Variants in TIAM2 observed in about 807,000 individuals in gnomAD.
TIAM2 encodes rho guanine nucleotide exchange factor TIAM2.
In TIAM2, 80 loss-of-function variants were observed where a neutral mutation model predicts 152.9. The observed-to-expected ratio is 0.52, with a 90% confidence interval of 0.44 to 0.63. The LOEUF is 0.63. Ranked by LOEUF, TIAM2 falls within the 30% of genes least tolerant of loss-of-function variation. The pLI is 0.00. For synonymous variants in TIAM2, 804 were observed against 838.0 expected, an observed-to-expected ratio of 0.96 and a Z score of 0.70; for missense variants, 1,965 against 2,120.1, an observed-to-expected ratio of 0.93 and a Z score of 1.44.
intron 15 of TIAM2, among the ~76,000 whole-genome samples, chr6:155,234,400 C>CTGGGACCACAGGCATG (rs1341141948): frequency 6.6e-6 from 1 of 152,236 alleles, no homozygotes; most frequent in African/African-American, 2.4e-5. Context: ...TCGTTAGTGG[C>CTGGGACCACAGGCATG]TGGGACCACA....
chr6:155,110,313 C>CTT lies in TIAM2; in HGVS notation c.-117-17174_-117-17173dup, dbSNP rs1488922028. Among the ~76,000 whole-genome samples the CTT allele has an allele frequency of 8.5e-3, 770 of 90,326 alleles. 10 individuals carry two copies. The highest frequency in any genetic ancestry group is 0.043 in the Middle Eastern group (8 of 188). The allele number at this position is 90,326 out of a possible 152,430, so 59.3% of individuals were successfully genotyped here. A position where few individuals can be genotyped will look rare whatever the true frequency, so the allele number is the denominator to read the frequency against. ...ATCCTTCCTTCTTCCTTTCCTCTTT[C>CTT]TTTTCTTTTTTTTTTTGTTGTTCTT... On this transcript the variant is annotated intron_variant, in intron 2 of 26. Coordinates refer to ENST00000682666, the MANE Select transcript of TIAM2 (RefSeq NM_012454.4).
rs199608026 is a variant in TIAM2, at chr6:155,257,108, A to T, written c.5093A>T (p.His1698Leu). ...SEECFYETES[H>L]GKS ...GAGTGTTTTTATGAAACAGAGAGCCACGGAAAATCATAGTATGATTCAATC... is the reference window on the plus strand; with the variant it reads ...GAGTGTTTTTATGAAACAGAGAGCCTCGGAAAATCATAGTATGATTCAATC... Residue 1698 changes from histidine to leucine, a missense_variant, in exon 27 of 27, where the codon CAC (histidine) becomes CTC (leucine). This residue lies in a region of TIAM2 where 935 missense variants were observed against 980.0 expected (regional missense o/e 0.95). Coordinates refer to ENST00000682666, the MANE Select transcript of TIAM2 (RefSeq NM_012454.4). 35 of 1,613,394 alleles carry T rather than the reference A, an allele frequency of 2.2e-5. No individual in the cohort carries two copies. The East Asian group carries it at 7.4e-4, about 34-fold the overall frequency.
chr6:155,212,575 G>C (rs9480089), intron 15 of TIAM2, among the ~76,000 whole-genome samples: 79,684 of 152,148 alleles, frequency 0.52, 21,961 homozygotes, highest in East Asian at 0.86. Flanking sequence ...TGGAACGATG[G>C]CTCGGTTGGG....
At chr6:155,200,117 G>T (rs1054648359) in intron 14 of TIAM2, among the ~76,000 whole-genome samples, 5 of 152,022 alleles carry the variant, frequency 3.3e-5, no homozygotes, top group African/African-American at 1.2e-4. Context: ...GTTATAATTT[G>T]CCTTGCAGTA....
At position 155,182,211 on chromosome 6, in the gene TIAM2, T is replaced by C. The variant is rs905527385; in HGVS notation, c.2708-15T>C. The C allele has an allele frequency of 1.2e-6, 2 of 1,612,392 alleles. No homozygotes were observed. Among genetic ancestry groups the C allele is most frequent in the Non-Finnish European group, 1.7e-6 (2 of 1,178,598 alleles). ...TGGGCTGAGACTTGCTTTTTCCTTT[T>C]GTTTTCATTCCTAGGGTTTGCAGTT... is the stretch of plus-strand genomic sequence containing the variant. On this transcript the variant is annotated splice_polypyrimidine_tract_variant and intron_variant, in intron 12 of 26. Transcript: ENST00000682666.
chr6:155,004,492 G>C (rs558743512), intron 1 of TIAM2, among the ~76,000 whole-genome samples: 2 of 152,180 alleles, frequency 1.3e-5, no homozygotes, highest in Admixed American at 1.3e-4. Flanking sequence ...CTGGGTTCAC[G>C]CGATTCTCCT....
At chr6:155,222,632 C>CA (rs1169569605) in intron 15 of TIAM2, among the ~76,000 whole-genome samples, 19 of 26,610 alleles carry the variant, frequency 7.1e-4, no homozygotes, top group African/African-American at 2.1e-3. Context: ...AAAAAAAACA[C>CA]AAAAAAAACC....
chr6:155,020,547 C>T (rs916234720), intron 1 of TIAM2, among the ~76,000 whole-genome samples: 12 of 152,026 alleles, frequency 7.9e-5, no homozygotes, highest in African/African-American at 1.9e-4. Context: ...CTGAAACCTC[C>T]GCCCCCTGGG....
chr6:155,203,310 A>G (rs1471945451), intron 14 of TIAM2, among the ~76,000 whole-genome samples: 1 of 152,216 alleles, frequency 6.6e-6, no homozygotes. Flanking sequence ...CAAAAGATAC[A>G]TAAAATGAAG....
At chr6:155,035,508 T>C (rs1433563655) in intron 1 of TIAM2, among the ~76,000 whole-genome samples, 1 of 152,136 alleles carries the variant, frequency 6.6e-6, no homozygotes, top group Non-Finnish European at 1.5e-5. Flanking sequence ...GGCGTGAGAC[T>C]ACCCAGCCTT....
intron 1 of TIAM2, among the ~76,000 whole-genome samples, chr6:155,083,069 C>T (rs1485857852): frequency 2.6e-5 from 4 of 152,018 alleles, no homozygotes; most frequent in Non-Finnish European, 5.9e-5. Context: ...GAGGTGGGGC[C>T]GGGCACAGTG....
In TIAM2 at chr6:155,214,015, G is replaced by A. The variant is rs1024570706; in HGVS notation, c.3168+2708G>A. Among the ~76,000 whole-genome samples the A allele has an allele frequency of 2.0e-5, 3 of 152,236 alleles. No individual in the cohort carries two copies. The highest frequency in any genetic ancestry group is 7.2e-5 in the African/African-American group (3 of 41,458). On this transcript the variant is annotated intron_variant, in intron 15 of 26. Coordinates refer to ENST00000682666, the MANE Select transcript of TIAM2 (RefSeq NM_012454.4). This position sits in a 1 kb window ranked among gnomAD's most constrained non-coding sequence, Gnocchi z 5.4. ...AGAGATGTCTGGGTCCACAGTCGCG[G>A]CTACGTGGCTGCAGCAGTACCCGGG...
At chr6:155,202,575 T>G (rs1405185526) in intron 14 of TIAM2, among the ~76,000 whole-genome samples, 1 of 149,772 alleles carries the variant, frequency 6.7e-6, no homozygotes, top group African/African-American at 2.5e-5. Context: ...TGCACCACCA[T>G]ACCTGGATAA....
chr6:155,010,557 C>G (rs12200617), intron 1 of TIAM2, among the ~76,000 whole-genome samples: 60,188 of 151,968 alleles, frequency 0.4, 13,630 homozygotes, highest in African/African-American at 0.63. Context: ...CTGGGTTCAA[C>G]CCATTCTCCT....
intron 14 of TIAM2, among the ~76,000 whole-genome samples, chr6:155,203,504 A>G (rs1781527693): frequency 6.6e-6 from 1 of 152,218 alleles, no homozygotes; most frequent in African/African-American, 2.4e-5. Flanking sequence ...ATGTCAGTAG[A>G]TAGTAGAATG....
chr6:155,052,029 C>T (rs1004572052), intron 1 of TIAM2, among the ~76,000 whole-genome samples: 1 of 152,118 alleles, frequency 6.6e-6, no homozygotes, highest in Non-Finnish European at 1.5e-5. Context: ...GCAGTTTCCC[C>T]AAGCCTGTTC....
intron 14 of TIAM2, among the ~76,000 whole-genome samples, chr6:155,188,066 C>T (rs758853973): frequency 1.1e-4 from 17 of 152,252 alleles, no homozygotes; most frequent in East Asian, 7.7e-4. Flanking sequence ...CCTTCTATGC[C>T]GAGGTTTTGA....
At chr6:155,051,354 G>A (rs1358986352) in intron 1 of TIAM2, among the ~76,000 whole-genome samples, 1 of 152,194 alleles carries the variant, frequency 6.6e-6, no homozygotes, top group South Asian at 2.1e-4. Context: ...CGTGATTTGA[G>A]CGCATCATAC....
chr6:155,164,721 C>T (rs1780374289), intron 8 of TIAM2, 121 bp downstream of exon 8: 1 of 1,214,562 alleles, frequency 8.2e-7, no homozygotes. Context: ...CACCTAGAGG[C>T]CAGGTCACCC....
Sources: allele counts gnomAD v4.1 joint callset (sites outside exome capture counted in the v4.1 genomes callset), GRCh38; gene constraint gnomAD v4.1.1; regional missense constraint gnomAD v4.1.1; non-coding constraint Gnocchi (gnomAD v3.1); transcripts MANE v1.5; gene names NCBI Gene and HGNC (gene_info 2026-07-23, HGNC 2026-07-21).